EFCAB6: variants seen among roughly 807,000 people sequenced by gnomAD.
EFCAB6 encodes the protein EF-hand calcium binding domain 6.
Under a neutral mutation model 169.8 loss-of-function variants are expected in EFCAB6, and 156 were observed. That is an observed-to-expected ratio of 0.92 (90% confidence interval 0.81 to 1.05). The LOEUF (loss-of-function observed/expected upper bound fraction) is 1.05, where lower values mean the gene tolerates loss of function less well. Among genes scored for constraint, EFCAB6 ranks in the 50% least tolerant of loss-of-function variants. The probability of loss-of-function intolerance (pLI) is 0.00; values close to 1 mark genes in which losing one functional copy is unlikely to be tolerated. For missense variants in EFCAB6, 1,800 were observed against 1,829.1 expected (o/e 0.98, Z 0.29); for synonymous variants, 698 against 676.4 (o/e 1.03, Z -0.50).
intron 7 of EFCAB6, among the ~76,000 whole-genome samples, chr22:43,734,955 T>C (rs1368725278): frequency 6.6e-6 from 1 of 152,168 alleles, no homozygotes; most frequent in Non-Finnish European, 1.5e-5. Flanking sequence ...AGAACACCAG[T>C]GCAATGCGAA....
intron 17 of EFCAB6, among the ~76,000 whole-genome samples, chr22:43,639,075 T>C (rs929088157): frequency 1.3e-5 from 2 of 152,196 alleles, no homozygotes; most frequent in African/African-American, 4.8e-5. Flanking sequence ...CACCCTGTTC[T>C]GGTATAGTTG....
At chr22:43,735,376 C>T (rs979713215) in intron 7 of EFCAB6, among the ~76,000 whole-genome samples, 2 of 151,940 alleles carry the variant, frequency 1.3e-5, no homozygotes, top group Admixed American at 6.6e-5. Flanking sequence ...TCAGCAACAA[C>T]GGTCCTCAAA....
At chr22:43,764,401 G>A (rs189889643) in intron 5 of EFCAB6, among the ~76,000 whole-genome samples, 1 of 152,272 alleles carries the variant, frequency 6.6e-6, no homozygotes, top group Admixed American at 6.5e-5. Context: ...AGTATTCCAT[G>A]GTGTATATGT....
rs199698817 is a variant in EFCAB6 at position 43,598,306 on chromosome 22, TC to T, written c.2876+1762del. ...TGGGTGATGAAAGTGAGACACTGTC[TC>T]CGGGAAAAAAAAAAAAAAAAAAAAA... On this transcript the variant is annotated intron_variant, in intron 23 of 31. Transcript: ENST00000262726. 0.012 allele frequency among the ~76,000 whole-genome samples: 138 copies of T among 11,174 alleles called. 26 individuals are homozygous for T. In the East Asian group the frequency reaches 0.15, roughly 12 times the overall value. 7.3% of individuals were successfully genotyped at this position (11,174 alleles called of 152,430 possible).
intron 3 of EFCAB6, among the ~76,000 whole-genome samples, chr22:43,777,254 G>A (rs731403): frequency 1.3e-5 from 2 of 152,120 alleles, no homozygotes; most frequent in African/African-American, 2.4e-5. Flanking sequence ...CTGAGATGCC[G>A]GTTAGATGCG....
chr22:43,742,926 A>C (rs761737522), intron 6 of EFCAB6, among the ~76,000 whole-genome samples: 1 of 152,176 alleles, frequency 6.6e-6, no homozygotes, highest in Non-Finnish European at 1.5e-5. Context: ...CATGAGACCA[A>C]ACCCACTGGG....
At chr22:43,637,209 C>T (rs543306694) in intron 17 of EFCAB6, among the ~76,000 whole-genome samples, 4 of 152,310 alleles carry the variant, frequency 2.6e-5, no homozygotes, top group African/African-American at 9.6e-5. Context: ...TCTCCTGCCT[C>T]CAGGTTTTGA....
intron 20 of EFCAB6, among the ~76,000 whole-genome samples, chr22:43,622,263 C>A (rs1411673467): frequency 6.6e-6 from 1 of 152,136 alleles, no homozygotes; most frequent in African/African-American, 2.4e-5. Context: ...CACTTATTTT[C>A]TTTATAAAAT....
intron 15 of EFCAB6, among the ~76,000 whole-genome samples, chr22:43,670,842 T>C (rs1170168086): frequency 6.6e-6 from 1 of 152,120 alleles, no homozygotes; most frequent in Non-Finnish European, 1.5e-5. Context: ...GGAAAGCAGG[T>C]CAACATAGCT....
At chr22:43,566,013 A>C (rs1273405755) in intron 26 of EFCAB6, among the ~76,000 whole-genome samples, 1 of 70 alleles carries the variant, frequency 0.014, no homozygotes, top group Non-Finnish European at 0.045. Flanking sequence ...CTGCCTGTCA[A>C]AAAAAAAAAA....
chr22:43,610,713 T>C (rs182891071), intron 21 of EFCAB6, among the ~76,000 whole-genome samples: 1 of 152,162 alleles, frequency 6.6e-6, no homozygotes, highest in African/African-American at 2.4e-5. Context: ...ATATACTTCA[T>C]TGTAGAGTCA....
At chr22:43,627,376 A>G (rs926934598) in intron 19 of EFCAB6, among the ~76,000 whole-genome samples, 1 of 152,206 alleles carries the variant, frequency 6.6e-6, no homozygotes, top group Non-Finnish European at 1.5e-5. Context: ...GCCACTTACT[A>G]GCAACGTGAC....
In EFCAB6 at chr22:43,615,930, G is replaced by GA. The variant is rs760951612; in HGVS notation, c.2466-9dup. ...GCAACCTTCTGTTTTGGTCTTAAAA[G>GA]AAAAAAAATAATAAATAACTGTGTT... On this transcript the variant is annotated splice_polypyrimidine_tract_variant and intron_variant, in intron 20 of 31. Coordinates refer to ENST00000262726, the MANE Select transcript of EFCAB6 (RefSeq NM_022785.4). 43 of 1,604,618 alleles carry GA rather than the reference G, an allele frequency of 2.7e-5. No homozygotes were observed. The Admixed American group carries it at 4.8e-4, about 18-fold the overall frequency.
At chr22:43,638,688 T>C (rs978897596) in intron 17 of EFCAB6, among the ~76,000 whole-genome samples, 4 of 152,232 alleles carry the variant, frequency 2.6e-5, no homozygotes, top group South Asian at 2.1e-4. Flanking sequence ...GATTACACTA[T>C]ACATTCTGAA....
At chr22:43,614,423 C>T (rs2053551620) in intron 21 of EFCAB6, among the ~76,000 whole-genome samples, 1 of 152,130 alleles carries the variant, frequency 6.6e-6, no homozygotes, top group African/African-American at 2.4e-5. Flanking sequence ...TGGACATCCA[C>T]CTTTAAATAA....
rs145394012 is a variant in EFCAB6, at chr22:43,564,348, T to A, written c.3421-9252A>T. On this transcript the variant is annotated intron_variant, in intron 26 of 31. Transcript: ENST00000262726. ...CTGTAATCTCAGCTACTTGGCAAGCTGAGACATGAGAATCGCTTCAACCTG... is the reference window on the plus strand; with the variant it reads ...CTGTAATCTCAGCTACTTGGCAAGCAGAGACATGAGAATCGCTTCAACCTG... 2.7e-3 allele frequency among the ~76,000 whole-genome samples: 402 copies of A among 151,654 alleles called. 1 individual carries two copies. Among genetic ancestry groups the A allele is most frequent in the Non-Finnish European group, 4.9e-3 (330 of 67,938 alleles).
chr22:43,600,238 T>C lies in EFCAB6; in HGVS notation c.2707A>G (p.Ile903Val), dbSNP rs1209092997. 6.2e-7 allele frequency: 1 copy of C among 1,614,088 alleles called. No homozygotes were observed. Among genetic ancestry groups the C allele is most frequent in the Admixed American group, 1.7e-5 (1 of 60,024 alleles). ...TTCTGTAAAAATTCCTGGTAAGTAATGTGCCCTTTTCCCTCGGTGTCGTAT... is the reference window on the plus strand; with the variant it reads ...TTCTGTAAAAATTCCTGGTAAGTAACGTGCCCTTTTCCCTCGGTGTCGTAT... ...ARYDTEGKGH[I>V]TYQEFLQKLG... Residue 903 changes from isoleucine (I) to valine (V), a missense_variant, in exon 23 of 32, where the codon ATT (isoleucine) becomes GTT (valine). Ile to Val is a conservative substitution (Grantham distance 29). Coordinates refer to ENST00000262726, the MANE Select transcript of EFCAB6 (RefSeq NM_022785.4).
chr22:43,811,493 G>A (rs1330440068), intron 1 of EFCAB6, among the ~76,000 whole-genome samples: 1 of 152,206 alleles, frequency 6.6e-6, no homozygotes, highest in Non-Finnish European at 1.5e-5. Flanking sequence ...AGGGAGTAGA[G>A]AGAGGGGTGA....
chr22:43,606,150 A>G (rs2052904524), intron 22 of EFCAB6, among the ~76,000 whole-genome samples: 1 of 152,194 alleles, frequency 6.6e-6, no homozygotes, highest in African/African-American at 2.4e-5. Context: ...CTCTCTAGCA[A>G]ACCAGATTCA....
Sources: gnomAD v4.1 joint callset for allele counts (sites outside exome capture counted in the v4.1 genomes callset) on GRCh38, gnomAD v4.1.1 for gene constraint, MANE v1.5 for transcripts, NCBI Gene and HGNC (gene_info 2026-07-23, HGNC 2026-07-21) for gene names.